Variants in ATAD2B observed in about 807,000 individuals in gnomAD.
ATAD2B encodes the protein ATPase family AAA domain-containing protein 2B.
Under a neutral mutation model 167.6 loss-of-function variants are expected in ATAD2B, and 40 were observed. That is an observed-to-expected ratio of 0.24 (90% confidence interval 0.19 to 0.31). The LOEUF is 0.31. ATAD2B is among the 10% of genes least tolerant of loss of function. The pLI is 1.00. For synonymous variants in ATAD2B, 579 were observed against 596.5 expected, an observed-to-expected ratio of 0.97 and a Z score of 0.43; for missense variants, 1,242 against 1,757.2, an observed-to-expected ratio of 0.71 and a Z score of 5.24.
chr2:23,810,940 G>A (rs1289298872), intron 17 of ATAD2B, among the ~76,000 whole-genome samples: 29 of 151,322 alleles, frequency 1.9e-4, no homozygotes, highest in Admixed American at 1.8e-3. Flanking sequence ...GAACCCGGGA[G>A]GCGAAGGTTG....
intron 1 of ATAD2B, among the ~76,000 whole-genome samples, chr2:23,922,215 G>GA (rs1447598338): frequency 6.6e-6 from 1 of 151,874 alleles, no homozygotes; most frequent in Non-Finnish European, 1.5e-5. Flanking sequence ...AGGAGAAGTA[G>GA]AAAAAAAGAG....
intron 15 of ATAD2B, among the ~76,000 whole-genome samples, chr2:23,827,300 C>T (rs1298075226): frequency 6.6e-6 from 1 of 151,888 alleles, no homozygotes; most frequent in Non-Finnish European, 1.5e-5. Context: ...AATTTTAAAA[C>T]TTAAGAAACT....
chr2:23,797,375 T>C (rs1682785172), intron 19 of ATAD2B, among the ~76,000 whole-genome samples: 1 of 152,104 alleles, frequency 6.6e-6, no homozygotes. Context: ...GATTTTACCT[T>C]AGATCTGAAC....
At chr2:23,686,294 ATG>A in the ATAD2B span, among the ~76,000 whole-genome samples, 3 of 152,058 alleles carry the variant, frequency 2.0e-5, no homozygotes, top group Non-Finnish European at 2.9e-5. Context: ...GAACAGTAGG[ATG>A]TGTCTCGGTG....
chr2:23,872,741 T>C (rs1485124488), intron 8 of ATAD2B: 3 of 1,023,042 alleles, frequency 2.9e-6, no homozygotes, highest in African/African-American at 1.6e-5. Flanking sequence ...CCCATAGTGC[T>C]GCTCACTGAG....
chr2:23,919,399 T>G (rs1573456126), intron 1 of ATAD2B, among the ~76,000 whole-genome samples: 2 of 151,618 alleles, frequency 1.3e-5, no homozygotes, highest in African/African-American at 4.8e-5. Context: ...ATACAAAAAT[T>G]AGCTGACTGT....
intron 17 of ATAD2B, among the ~76,000 whole-genome samples, chr2:23,818,427 A>T (rs1282098507): frequency 6.6e-6 from 1 of 151,940 alleles, no homozygotes; most frequent in African/African-American, 2.4e-5. Context: ...AATCTGTAAA[A>T]TGCTGGAATA....
chr2:23,821,628 CT>C (rs565871357), intron 16 of ATAD2B, among the ~76,000 whole-genome samples: 35 of 152,236 alleles, frequency 2.3e-4, no homozygotes, highest in African/African-American at 8.4e-4. Context: ...TAGTATAATT[CT>C]CTGAATAATT....
chr2:23,782,196 A>G (rs1680169612), intron 22 of ATAD2B, among the ~76,000 whole-genome samples: 1 of 152,106 alleles, frequency 6.6e-6, no homozygotes, highest in African/African-American at 2.4e-5. Context: ...AATTATTCCT[A>G]CTTTCTAACA....
intron 15 of ATAD2B, among the ~76,000 whole-genome samples, chr2:23,826,425 A>G (rs1204918629): frequency 6.6e-6 from 1 of 152,192 alleles, no homozygotes; most frequent in Non-Finnish European, 1.5e-5. Flanking sequence ...ACAGCCTTTT[A>G]GGCGTTAAAA....
chr2:23,925,617 A>AT (rs1704636029), intron 1 of ATAD2B, among the ~76,000 whole-genome samples: 1 of 152,226 alleles, frequency 6.6e-6, no homozygotes, highest in South Asian at 2.1e-4. Flanking sequence ...TCATAGTAAA[A>AT]CAAACGTGTC....
intron 18 of ATAD2B, among the ~76,000 whole-genome samples, chr2:23,803,338 ACG>A (rs1553394964): frequency 0.023 from 3,482 of 150,664 alleles, 42 homozygotes; most frequent in South Asian, 0.043. Flanking sequence ...ACACACACAC[ACG>A]CGCACGCATT....
chr2:23,733,124 T>C, the ATAD2B span, among the ~76,000 whole-genome samples: 2 of 152,232 alleles, frequency 1.3e-5, no homozygotes, highest in Non-Finnish European at 2.9e-5. Context: ...TCTCTCAATG[T>C]ATGAACATGC....
chr2:23,687,682 T>C, the ATAD2B span, among the ~76,000 whole-genome samples: 1 of 151,806 alleles, frequency 6.6e-6, no homozygotes, highest in African/African-American at 2.4e-5. Flanking sequence ...CTTGGAGAGG[T>C]GGCATCTGAT....
chr2:23,857,155 A>C (rs890140373), intron 13 of ATAD2B, among the ~76,000 whole-genome samples: 4 of 152,236 alleles, frequency 2.6e-5, no homozygotes, highest in Admixed American at 2.0e-4. Context: ...TGTAGCACAT[A>C]AGAAACCACA....
intron 27 of ATAD2B, among the ~76,000 whole-genome samples, chr2:23,752,781 A>G (rs1675509725): frequency 6.6e-6 from 1 of 152,068 alleles, no homozygotes; most frequent in African/African-American, 2.4e-5. Context: ...TCCCACTTCT[A>G]TTCACTCCAA....
At position 23,763,023 on chromosome 2, in the gene ATAD2B, T is replaced by C. The variant is rs564455757; in HGVS notation, c.3257-677A>G. The stretch of plus-strand genomic sequence containing the variant: ...AGCCCAAACATCTCTGATCCAGATA[T>C]ACAACTTCTGATCCATATATACAAC... On this transcript the variant is annotated intron_variant, in intron 23 of 27. Transcript: ENST00000238789. Among the ~76,000 whole-genome samples, 4 of 152,348 alleles carry C rather than the reference T, an allele frequency of 2.6e-5. 1 individual carries two copies. The highest frequency in any genetic ancestry group is 9.6e-5 in the African/African-American group (4 of 41,584).
intron 12 of ATAD2B, among the ~76,000 whole-genome samples, chr2:23,860,790 GTGAAAC>G (rs1280389062): frequency 6.6e-6 from 1 of 152,086 alleles, no homozygotes; most frequent in East Asian, 1.9e-4. Context: ...GGCCAACATG[GTGAAAC>G]CCTGTCTGTA....
the ATAD2B span, among the ~76,000 whole-genome samples, chr2:23,740,400 C>T: frequency 9.0e-4 from 136 of 151,954 alleles, 2 homozygotes; most frequent in Middle Eastern, 3.4e-3. Context: ...GTTCAACATA[C>T]GCAAATCAAT....
Sources: allele counts gnomAD v4.1 joint callset (sites outside exome capture counted in the v4.1 genomes callset), GRCh38; gene constraint gnomAD v4.1.1; transcripts MANE v1.5; gene names NCBI Gene and HGNC (gene_info 2026-07-23, HGNC 2026-07-21).